Variants in ERCC6L2 observed in about 807,000 individuals in gnomAD.
The protein encoded by ERCC6L2 is DNA excision repair protein ERCC-6-like 2.
ERCC6L2 carries 77 observed loss-of-function variants against 132.0 expected under a neutral mutation model. The ratio of observed to expected loss-of-function variants is 0.58; its 90% CI spans 0.49 to 0.71. The LOEUF (loss-of-function observed/expected upper bound fraction) is 0.71. ERCC6L2 is among the 30% of genes least tolerant of loss of function. The pLI is 0.00. For synonymous variants in ERCC6L2, 583 were observed against 632.4 expected (o/e 0.92, Z 1.17); for missense variants, 1,542 against 1,837.6 (o/e 0.84, Z 2.94).
At chr9:95,894,507 G>T (rs1366675578) in intron 2 of ERCC6L2, among the ~76,000 whole-genome samples, 2 of 148,996 alleles carry the variant, frequency 1.3e-5, no homozygotes, top group African/African-American at 2.5e-5. Flanking sequence ...TTCTTGTATT[G>T]TGATCAAAGA....
rs139734748 is a variant in ERCC6L2, at chr9:95,990,924, C to T, written c.3492+12709C>T. Among the ~76,000 whole-genome samples the T allele has an allele frequency of 5.9e-5, 9 of 152,180 alleles. No homozygotes were observed. The East Asian group carries it at 1.5e-3, about 26-fold the overall frequency. Reference sequence around the variant, plus strand: ...GTGGAAGACTTTATTGAGCGGTGGGCGGCTCTCAGCAGAAAGGGAGGCTGG... The same window carrying T: ...GTGGAAGACTTTATTGAGCGGTGGGTGGCTCTCAGCAGAAAGGGAGGCTGG... On this transcript the variant is annotated intron_variant, in intron 17 of 18. Transcript: ENST00000653738.
intron 1 of ERCC6L2, among the ~76,000 whole-genome samples, chr9:95,878,421 G>A (rs1278821278): frequency 1.3e-5 from 2 of 152,202 alleles, no homozygotes; most frequent in Non-Finnish European, 2.9e-5. Flanking sequence ...AATATTAAAT[G>A]AGGTTTAAGG....
At chr9:95,920,737 T>C (rs1190430396) in intron 6 of ERCC6L2, among the ~76,000 whole-genome samples, 1 of 152,202 alleles carries the variant, frequency 6.6e-6, no homozygotes, top group African/African-American at 2.4e-5. Context: ...GTAGAAATCA[T>C]CATAATGATG....
intron 5 of ERCC6L2, 146 bp downstream of exon 5, chr9:95,915,975 G>A (rs1459255915): frequency 3.5e-6 from 3 of 849,882 alleles, no homozygotes; most frequent in Admixed American, 2.9e-5. Flanking sequence ...ATACACAGTA[G>A]AGAGTCCCAT....
intron 9 of ERCC6L2, among the ~76,000 whole-genome samples, chr9:95,925,473 AG>A (rs917991040): frequency 6.6e-5 from 10 of 152,174 alleles, no homozygotes; most frequent in African/African-American, 2.2e-4. Flanking sequence ...ATTCCTTTAT[AG>A]GTGGATTGTC....
intron 19 of ERCC6L2, among the ~76,000 whole-genome samples, chr9:96,032,173 A>G (rs1227295804): frequency 1.3e-5 from 2 of 151,996 alleles, no homozygotes; most frequent in African/African-American, 4.8e-5. Context: ...ACTCACCCTG[A>G]GCCCCAAAGC....
chr9:95,941,606 C>T (rs919058130), intron 12 of ERCC6L2, 57 bp downstream of exon 12: 67 of 1,299,598 alleles, frequency 5.2e-5, no homozygotes, highest in Non-Finnish European at 6.8e-5. Flanking sequence ...TAAAAATACT[C>T]TTGAACTTTT....
chr9:95,976,146 C>T (rs893762506), intron 16 of ERCC6L2, among the ~76,000 whole-genome samples: 10 of 152,152 alleles, frequency 6.6e-5, no homozygotes, highest in African/African-American at 2.4e-4. Flanking sequence ...CTTTTCTCAC[C>T]TCACAGAGAT....
intron 13 of ERCC6L2, among the ~76,000 whole-genome samples, chr9:95,964,909 A>G (rs1357099811): frequency 6.6e-6 from 1 of 152,184 alleles, no homozygotes; most frequent in Non-Finnish European, 1.5e-5. Context: ...GAAGCTTATA[A>G]AGACTCAAAT....
intron 11 of ERCC6L2, among the ~76,000 whole-genome samples, chr9:95,931,213 C>T (rs999786223): frequency 1.1e-4 from 17 of 152,078 alleles, no homozygotes; most frequent in African/African-American, 3.6e-4. Flanking sequence ...ATGACTTTTT[C>T]GGTCTTTTCC....
intron 11 of ERCC6L2, among the ~76,000 whole-genome samples, chr9:95,940,296 C>T (rs1003558231): frequency 2.0e-5 from 3 of 152,138 alleles, no homozygotes; most frequent in Non-Finnish European, 2.9e-5. Context: ...TTCAAGGCTA[C>T]ACCTTTCCTG....
At chr9:95,919,596 A>G (rs974072719) in intron 6 of ERCC6L2, among the ~76,000 whole-genome samples, 22 of 152,220 alleles carry the variant, frequency 1.4e-4, no homozygotes, top group African/African-American at 4.8e-4. Flanking sequence ...AGGATTGTCA[A>G]TGCTGTGGAG....
chr9:95,904,761 A>C (rs1013553746), intron 3 of ERCC6L2, among the ~76,000 whole-genome samples: 9 of 152,188 alleles, frequency 5.9e-5, no homozygotes, highest in African/African-American at 2.2e-4. Context: ...TCCACACTAC[A>C]TCATTCTTCT....
chr9:95,925,991 C>T (rs973970345), intron 9 of ERCC6L2, among the ~76,000 whole-genome samples: 4 of 152,042 alleles, frequency 2.6e-5, no homozygotes, highest in Non-Finnish European at 5.9e-5. Context: ...AAAAGATGCT[C>T]AACAACATAT....
At chr9:95,902,295 CATA>C (rs1828820205) in intron 3 of ERCC6L2, among the ~76,000 whole-genome samples, 2 of 152,058 alleles carry the variant, frequency 1.3e-5, no homozygotes, top group Admixed American at 1.3e-4. Context: ...TTTTATGAAT[CATA>C]ATAAATTTAT....
intron 18 of ERCC6L2, among the ~76,000 whole-genome samples, chr9:96,010,609 C>T (rs1228765047): frequency 6.6e-6 from 1 of 152,146 alleles, no homozygotes; most frequent in African/African-American, 2.4e-5. Flanking sequence ...GACTTCCTCA[C>T]TCATCATTAC....
At position 96,012,393 on chromosome 9, in the gene ERCC6L2, C is replaced by T; in HGVS notation, c.3843C>T (p.Phe1281=). ...TTTTTGTGGATTCTGTGTCACAATTCAACAATTCTTCCTTTGAGAAAGGAG... is the reference window on the plus strand; with the variant it reads ...TTTTTGTGGATTCTGTGTCACAATTTAACAATTCTTCCTTTGAGAAAGGAG... ...KEFFVDSVSQ[F]NNSSFEKGEQ... is the part of the protein sequence containing the mutation. Residue 1281 remains phenylalanine, a synonymous_variant, in exon 19 of 19, where the codon TTC becomes TTT. Transcript: ENST00000653738. 1 of 1,361,028 alleles carries T rather than the reference C, an allele frequency of 7.3e-7. No individual in the cohort carries two copies. Among genetic ancestry groups the T allele is most frequent in the Non-Finnish European group, 9.8e-7 (1 of 1,016,732 alleles). The allele number at this position is 1,361,028 out of a possible 1,614,324, so 84.3% of individuals were successfully genotyped here.
chr9:95,898,786 T>G (rs1828601613), intron 3 of ERCC6L2, among the ~76,000 whole-genome samples: 1 of 152,210 alleles, frequency 6.6e-6, no homozygotes, highest in Non-Finnish European at 1.5e-5. Flanking sequence ...TGTACAAGAT[T>G]GCTGAGAAGT....
intron 3 of ERCC6L2, among the ~76,000 whole-genome samples, chr9:95,900,099 C>T (rs147464881): frequency 0.014 from 2,149 of 151,992 alleles, 23 homozygotes; most frequent in Non-Finnish European, 0.022. Flanking sequence ...ATAAGTGTTC[C>T]TTTGGGCCAG....
Sources: gnomAD v4.1 joint callset for allele counts (sites outside exome capture counted in the v4.1 genomes callset) on GRCh38, gnomAD v4.1.1 for gene constraint, MANE v1.5 for transcripts, NCBI Gene and HGNC (gene_info 2026-07-23, HGNC 2026-07-21) for gene names.